MED12L: variants seen among roughly 807,000 people sequenced by gnomAD.
The protein encoded by MED12L is mediator of RNA polymerase II transcription subunit 12-like protein.
A neutral mutation model predicts 281.3 loss-of-function variants in MED12L; 60 were observed. The observed-to-expected ratio is 0.21, with a 90% CI of 0.17 to 0.26. The LOEUF (loss-of-function observed/expected upper bound fraction) is 0.26, where lower values mean the gene tolerates loss of function less well. Among genes scored for constraint, MED12L ranks in the 10% least tolerant of loss-of-function variants. MED12L has a pLI of 1.00. For synonymous variants in MED12L, 974 were observed against 987.2 expected (o/e 0.99, Z 0.25); for missense variants, 2,146 against 2,680.9 (o/e 0.80, Z 4.41).
chr3:151,175,359 C>T (rs968766619), intron 11 of MED12L, among the ~76,000 whole-genome samples: 2 of 152,106 alleles, frequency 1.3e-5, no homozygotes. Context: ...TCCTTTTAGT[C>T]TAAGATTAAA....
At chr3:151,431,447 T>C (rs771825510) in intron 44 of MED12L, among the ~76,000 whole-genome samples, 31 of 152,216 alleles carry the variant, frequency 2.0e-4, no homozygotes, top group Non-Finnish European at 3.4e-4. Flanking sequence ...TCTCTACCAG[T>C]GGATACCCAA....
chr3:151,237,659 G>A (rs973557513), intron 16 of MED12L, among the ~76,000 whole-genome samples: 2 of 151,984 alleles, frequency 1.3e-5, no homozygotes, highest in African/African-American at 2.4e-5. Context: ...CCGCCAAACT[G>A]TTTTCCAAAG....
chr3:151,221,208 A>G (rs568997447), intron 16 of MED12L, among the ~76,000 whole-genome samples: 8 of 152,320 alleles, frequency 5.3e-5, no homozygotes, highest in Admixed American at 5.2e-4. Flanking sequence ...GCAAAGCATT[A>G]AAGAGGTGAC....
At chr3:151,292,183 A>T (rs1157055063) in intron 16 of MED12L, among the ~76,000 whole-genome samples, 1 of 152,188 alleles carries the variant, frequency 6.6e-6, no homozygotes, top group East Asian at 1.9e-4. Flanking sequence ...AAAGTAGATA[A>T]TATCATTTTT....
At chr3:151,138,558 A>G (rs553468554) in intron 5 of MED12L, among the ~76,000 whole-genome samples, 8 of 152,278 alleles carry the variant, frequency 5.3e-5, no homozygotes, top group African/African-American at 1.9e-4. Flanking sequence ...TAGTTCTCAT[A>G]TCTCCCTAGG....
intron 11 of MED12L, among the ~76,000 whole-genome samples, chr3:151,178,157 C>CACAAAAAAAAAAA (rs767097879): frequency 6.1e-5 from 3 of 49,124 alleles, no homozygotes; most frequent in African/African-American, 2.0e-4. Context: ...GACTTGGTCT[C>CACAAAAAAAAAAA]AAAAAAAAAA....
At chr3:151,140,691 A>ATTTT (rs1716801352) in intron 5 of MED12L, among the ~76,000 whole-genome samples, 1 of 151,760 alleles carries the variant, frequency 6.6e-6, no homozygotes, top group Non-Finnish European at 1.5e-5. Context: ...TTTATTATTT[A>ATTTT]TTTTTTGAGA....
At chr3:151,163,541 A>G (rs1720279039) in intron 8 of MED12L, among the ~76,000 whole-genome samples, 2 of 151,708 alleles carry the variant, frequency 1.3e-5, no homozygotes, top group Admixed American at 1.3e-4. Flanking sequence ...TAGAAATTAC[A>G]TATTATAAGT....
chr3:151,273,993 G>A (rs956161714), intron 16 of MED12L, among the ~76,000 whole-genome samples: 7 of 151,994 alleles, frequency 4.6e-5, no homozygotes, highest in Non-Finnish European at 8.8e-5. Context: ...TTTTTAAATC[G>A]TGTGGCCTCT....
chr3:151,365,708 T>G (rs769399355), intron 22 of MED12L, 142 bp from the exon 23 acceptor site: 1 of 728,400 alleles, frequency 1.4e-6, no homozygotes. Context: ...TACTAAGTTA[T>G]TTGACAAATG....
intron 43 of MED12L, among the ~76,000 whole-genome samples, chr3:151,427,183 T>C (rs758436255): frequency 1.6e-4 from 25 of 152,138 alleles, no homozygotes; most frequent in Non-Finnish European, 4.4e-5. Context: ...TTTGTTGTAA[T>C]AGCACATGTT....
chr3:151,416,376 A>G lies in MED12L; in HGVS notation c.6362A>G (p.Gln2121Arg), dbSNP rs749198216. Reference protein sequence around the residue: ...PPQPQQSSQSQSQTLGLQAMQ... With the variant: ...PPQPQQSSQSRSQTLGLQAMQ... ...CAGCCCCAGCAGTCCTCGCAGTCCCAGAGTCAGACCCTTGGTCTCCAAGCA... is the reference window on the plus strand; with the variant it reads ...CAGCCCCAGCAGTCCTCGCAGTCCCGGAGTCAGACCCTTGGTCTCCAAGCA... Residue 2121 changes from glutamine (Q) to arginine (R), a missense_variant, in exon 43 of 45, where the codon CAG (glutamine) becomes CGG (arginine). By Grantham distance (43) the Gln-to-Arg change is conservative. This residue lies in a region of MED12L where 496 missense variants were observed against 512.0 expected (regional missense o/e 0.97). Transcript: ENST00000687756. 1 of 1,562,510 alleles carries G rather than the reference A, an allele frequency of 6.4e-7. No homozygotes were observed. The highest frequency in any genetic ancestry group is 1.1e-5 in the South Asian group (1 of 90,152).
chr3:151,377,809 T>TA (rs1711517731), intron 30 of MED12L, among the ~76,000 whole-genome samples: 1 of 152,222 alleles, frequency 6.6e-6, no homozygotes, highest in African/African-American at 2.4e-5. Flanking sequence ...CTGCATGTTT[T>TA]ATTGCTTTCT....
At chr3:151,324,563 T>A (rs1749363440) in intron 16 of MED12L, among the ~76,000 whole-genome samples, 1 of 152,258 alleles carries the variant, frequency 6.6e-6, no homozygotes, top group Non-Finnish European at 1.5e-5. Flanking sequence ...TTCCTGCAGA[T>A]GGCAAGCTCT....
intron 43 of MED12L, among the ~76,000 whole-genome samples, chr3:151,426,349 G>A (rs904035332): frequency 6.6e-6 from 1 of 152,314 alleles, no homozygotes; most frequent in East Asian, 1.9e-4. Context: ...CACAGGAGGG[G>A]TTCAGTTTGA....
intron 16 of MED12L, chr3:151,198,877 C>G (rs759823437): frequency 1.2e-6 from 2 of 1,613,986 alleles, no homozygotes; most frequent in Non-Finnish European, 1.7e-6. Flanking sequence ...TTCCAAATTC[C>G]TTTTTAAACT....
chr3:151,164,830 C>T (rs1312159964), intron 9 of MED12L, among the ~76,000 whole-genome samples: 2 of 150,828 alleles, frequency 1.3e-5, no homozygotes, highest in African/African-American at 4.9e-5. Context: ...GGAAGGGGAA[C>T]ATCACACACC....
intron 16 of MED12L, among the ~76,000 whole-genome samples, chr3:151,296,826 G>A (rs951669405): frequency 2.0e-5 from 3 of 151,986 alleles, no homozygotes; most frequent in African/African-American, 7.3e-5. Context: ...ATTTACTATA[G>A]TTATAATTAT....
intron 26 of MED12L, among the ~76,000 whole-genome samples, chr3:151,370,830 C>A (rs1398053161): frequency 1.3e-5 from 2 of 152,184 alleles, no homozygotes; most frequent in African/African-American, 4.8e-5. Flanking sequence ...ATGCTAATGG[C>A]AGAAACCAAG....
Sources: allele counts gnomAD v4.1 joint callset (sites outside exome capture counted in the v4.1 genomes callset), GRCh38; gene constraint gnomAD v4.1.1; regional missense constraint gnomAD v4.1.1; transcripts MANE v1.5; gene names NCBI Gene and HGNC (gene_info 2026-07-23, HGNC 2026-07-21).